The following SLC14A2 variants were observed in gnomAD, a reference collection of about 807,000 sequenced individuals.
The protein encoded by SLC14A2 is solute carrier family 14 member 2, also known as urea transporter 2.
Under a neutral mutation model 104.6 loss-of-function variants are expected in SLC14A2, and 91 were observed. The observed-to-expected ratio is 0.87, with a 90% CI of 0.73 to 1.04. SLC14A2 has a LOEUF of 1.04. SLC14A2 is among the 50% of genes least tolerant of loss of function. The probability of loss-of-function intolerance (pLI) is 0.00; values close to 1 mark genes in which losing one functional copy is unlikely to be tolerated. For missense variants in SLC14A2, 1,189 were observed against 1,156.0 expected, an observed-to-expected ratio of 1.03 and a Z score of -0.41; for synonymous variants, 476 against 466.4, an observed-to-expected ratio of 1.02 and a Z score of -0.27.
At chr18:45,409,842 G>C (rs544213723) in intron 1 of SLC14A2, among the ~76,000 whole-genome samples, 1 of 152,144 alleles carries the variant, frequency 6.6e-6, no homozygotes. Flanking sequence ...CGGGGTTGGA[G>C]GGTGGTTTTA....
chr18:45,422,115 T>C (rs1197044689), intron 1 of SLC14A2, among the ~76,000 whole-genome samples: 1 of 152,142 alleles, frequency 6.6e-6, no homozygotes, highest in Non-Finnish European at 1.5e-5. Context: ...GTCTTGTCTG[T>C]TAGAAATAGG....
intron 5 of SLC14A2, chr18:45,634,848 A>T (rs1036034438): frequency 2.2e-6 from 1 of 457,288 alleles, no homozygotes; most frequent in African/African-American, 2.0e-5. Context: ...AACTGGAGTA[A>T]GAGTGGATGC....
At chr18:45,386,180 A>G (rs1043003406) in intron 1 of SLC14A2, among the ~76,000 whole-genome samples, 4 of 152,310 alleles carry the variant, frequency 2.6e-5, no homozygotes, top group Non-Finnish European at 2.9e-5. Flanking sequence ...GAGGAGTCCC[A>G]GATGAGAAGC....
chr18:45,219,712 T>A (rs1331518732), intron 1 of SLC14A2, among the ~76,000 whole-genome samples: 1 of 152,178 alleles, frequency 6.6e-6, no homozygotes, highest in Non-Finnish European at 1.5e-5. Context: ...TTAACCTGCG[T>A]TTTTAAACTT....
intron 5 of SLC14A2, chr18:45,635,083 C>T: frequency 3.0e-6 from 1 of 335,930 alleles, no homozygotes; most frequent in Admixed American, 4.4e-5. Context: ...GCCTAAGTAC[C>T]TAGGTTGATA....
intron 1 of SLC14A2, among the ~76,000 whole-genome samples, chr18:45,462,289 G>C (rs1030376220): frequency 3.3e-5 from 5 of 152,122 alleles, no homozygotes; most frequent in African/African-American, 9.7e-5. Context: ...TAAAACCTCA[G>C]TACAAAAGGC....
chr18:45,245,126 C>T lies in SLC14A2; in HGVS notation c.-125+31935C>T, dbSNP rs1358762974. 2.0e-5 allele frequency among the ~76,000 whole-genome samples: 3 copies of T among 152,294 alleles called. No individual in the cohort carries two copies. In the South Asian group the frequency reaches 6.2e-4, roughly 32 times the overall value. On this transcript the variant is annotated intron_variant, in intron 1 of 20. Coordinates refer to the SLC14A2 transcript ENST00000586448. ...CTTCCATCCTAACCTTTTCCTGCAC[C>T]TCCTTTCTGCAGGAGGATCAAGGAG...
intron 1 of SLC14A2, among the ~76,000 whole-genome samples, chr18:45,257,254 T>G (rs1270218422): frequency 1.3e-5 from 2 of 152,230 alleles, no homozygotes; most frequent in Non-Finnish European, 2.9e-5. Flanking sequence ...AGTGGCAATT[T>G]GACTTTGGAA....
chr18:45,669,434 C>T lies in SLC14A2; in HGVS notation c.2165C>T (p.Thr722Ile). 1 of 1,614,186 alleles carries T rather than the reference C, an allele frequency of 6.2e-7. No individual in the cohort carries two copies. The highest frequency in any genetic ancestry group is 8.5e-7 in the Non-Finnish European group (1 of 1,180,016). Residue 722 changes from threonine to isoleucine, a missense_variant, in exon 16 of 20, where the codon ACA becomes ATA. Thr to Ile is a moderately conservative substitution (Grantham distance 89). Coordinates refer to ENST00000255226, the MANE Select transcript of SLC14A2 (RefSeq NM_007163.4). ...ATGHYNLFFP[T>I]TLLQPASAMP... is the part of the protein sequence containing the mutation. ...GGCCACTACAACCTTTTCTTCCCCA[C>T]AACGCTGCTGCAGCCTGCATCCGCC...
At chr18:45,469,896 A>T (rs1269451200) in intron 1 of SLC14A2, among the ~76,000 whole-genome samples, 1 of 152,212 alleles carries the variant, frequency 6.6e-6, no homozygotes, top group Non-Finnish European at 1.5e-5. Flanking sequence ...TGCAGCAGAT[A>T]TGGGGAGCTA....
chr18:45,591,296 C>T (rs1384433200), intron 2 of SLC14A2, among the ~76,000 whole-genome samples: 1 of 152,190 alleles, frequency 6.6e-6, no homozygotes, highest in African/African-American at 2.4e-5. Context: ...GATTCTCATT[C>T]AGTAGGTCTG....
the SLC14A2 span, among the ~76,000 whole-genome samples, chr18:45,202,306 T>C: frequency 6.6e-6 from 1 of 152,074 alleles, no homozygotes; most frequent in African/African-American, 2.4e-5. Flanking sequence ...GGAATAGATA[T>C]TGAGGCTTAA....
At position 45,662,412 on chromosome 18, in the gene SLC14A2, T is replaced by C. The variant is rs147199697; in HGVS notation, c.1352-1373T>C. 3.5e-4 allele frequency among the ~76,000 whole-genome samples: 54 copies of C among 152,316 alleles called. 1 individual carries two copies. Among genetic ancestry groups the C allele is most frequent in the Non-Finnish European group, 7.1e-4 (48 of 68,020 alleles). On this transcript the variant is annotated intron_variant, in intron 10 of 19. Coordinates refer to ENST00000255226, the MANE Select transcript of SLC14A2 (RefSeq NM_007163.4). ...GAGCTTTGCCATAGTTGTTTCTACA[T>C]AAGCAGTGTGATCTACCCCAGTGCT...
At chr18:45,224,202 GC>G (rs2084091477) in intron 1 of SLC14A2, among the ~76,000 whole-genome samples, 1 of 152,242 alleles carries the variant, frequency 6.6e-6, no homozygotes, top group Non-Finnish European at 1.5e-5. Flanking sequence ...TGCCATGGCA[GC>G]AGCCAAAGCC....
At chr18:45,273,235 A>C (rs995897902) in intron 1 of SLC14A2, among the ~76,000 whole-genome samples, 23 of 152,142 alleles carry the variant, frequency 1.5e-4, no homozygotes, top group Non-Finnish European at 3.2e-4. Context: ...AACAGTTCCA[A>C]GATTACATCC....
intron 1 of SLC14A2, among the ~76,000 whole-genome samples, chr18:45,417,109 TA>T (rs1384033217): frequency 6.6e-6 from 1 of 152,198 alleles, no homozygotes; most frequent in Non-Finnish European, 1.5e-5. Context: ...TTGGTGGGTT[TA>T]AAAAATATCA....
At chr18:45,560,084 C>T (rs1441775668) in intron 2 of SLC14A2, among the ~76,000 whole-genome samples, 2 of 152,208 alleles carry the variant, frequency 1.3e-5, no homozygotes, top group African/African-American at 4.8e-5. Context: ...AGGGAGCTCA[C>T]TGCTTCATCG....
intron 1 of SLC14A2, among the ~76,000 whole-genome samples, chr18:45,350,116 G>A (rs2085487902): frequency 6.6e-6 from 1 of 152,226 alleles, no homozygotes; most frequent in East Asian, 1.9e-4. Context: ...GGTCCAGTGA[G>A]TGAGACTGAC....
At chr18:45,492,083 A>G (rs1447081978) in intron 2 of SLC14A2, 1 of 152,248 alleles carries the variant, frequency 6.6e-6, no homozygotes, top group Non-Finnish European at 1.5e-5. Context: ...CCATCTCCAA[A>G]GTGACCTTAA....
Sources: allele counts gnomAD v4.1 joint callset (sites outside exome capture counted in the v4.1 genomes callset), GRCh38; gene constraint gnomAD v4.1.1; transcripts MANE v1.5; gene names NCBI Gene and HGNC (gene_info 2026-07-23, HGNC 2026-07-21).